PCDHGB2: variants seen among roughly 807,000 people sequenced by gnomAD.
PCDHGB2 encodes the protein protocadherin gamma subfamily B, 2.
A neutral mutation model predicts 59.3 loss-of-function variants in PCDHGB2; 55 were observed. That is an observed-to-expected ratio of 0.93 (90% CI 0.75 to 1.16). The LOEUF is 1.16. Ranked by LOEUF, PCDHGB2 falls within the 50% of genes most tolerant of loss-of-function variation. PCDHGB2 has a pLI of 0.00. For missense variants in PCDHGB2, 1,228 were observed against 1,198.5 expected, an observed-to-expected ratio of 1.02 and a Z score of -0.36; for synonymous variants, 516 against 512.0, an observed-to-expected ratio of 1.01 and a Z score of -0.11.
intron 1 of PCDHGB2, chr5:141,365,650 G>C: frequency 6.2e-7 from 1 of 1,613,414 alleles, no homozygotes; most frequent in South Asian, 1.1e-5. Flanking sequence ...ACATCCCCTT[G>C]AAAGTAGCAG....
At chr5:141,385,424 C>T in intron 1 of PCDHGB2, 2 of 1,461,926 alleles carry the variant, frequency 1.4e-6, no homozygotes, top group Non-Finnish European at 1.8e-6. Context: ...ATTTAAAAAA[C>T]TTTATAGAGG....
At chr5:141,377,569 C>A (rs1774120455) in intron 1 of PCDHGB2, 1 of 151,048 alleles carries the variant, frequency 6.6e-6, no homozygotes, top group African/African-American at 2.4e-5. Context: ...GCACCCTAGC[C>A]TGGGAGACAG....
chr5:141,430,534 C>CT (rs962032641), intron 1 of PCDHGB2: 2 of 381,726 alleles, frequency 5.2e-6, no homozygotes, highest in Non-Finnish European at 9.2e-6. Context: ...GGTTAGGACT[C>CT]TGAGCGCCGC....
At chr5:141,421,478 G>T in intron 1 of PCDHGB2, 1 of 1,614,130 alleles carries the variant, frequency 6.2e-7, no homozygotes, top group Non-Finnish European at 8.5e-7. Flanking sequence ...CGAAGCGGCA[G>T]CTTGATCACG....
chr5:141,399,704 T>A, intron 1 of PCDHGB2: 1 of 1,613,424 alleles, frequency 6.2e-7, no homozygotes, highest in Non-Finnish European at 8.5e-7. Context: ...ACCTTCGAAC[T>A]CACACTACAG....
intron 1 of PCDHGB2, chr5:141,365,543 T>G: frequency 6.2e-7 from 1 of 1,613,830 alleles, no homozygotes; most frequent in Non-Finnish European, 8.5e-7. Context: ...CTATCACCTA[T>G]TAACAACTAG....
chr5:141,366,599 G>C lies in PCDHGB2; in HGVS notation c.2421+4043G>C, dbSNP rs778631625. The C allele has an allele frequency of 6.2e-7, 1 of 1,614,214 alleles. No individual in the cohort carries two copies. The highest frequency in any genetic ancestry group is 8.5e-7 in the Non-Finnish European group (1 of 1,180,046). ...TTTCCTGCAGACCTATTCCCACGAG[G>C]TCTCCCTCACCGCGGACTCGAGGAA... On this transcript the variant is annotated intron_variant, in intron 1 of 3. Coordinates refer to ENST00000522605, the MANE Select transcript of PCDHGB2 (RefSeq NM_018923.3).
chr5:141,376,701 A>G (rs1226810157), intron 1 of PCDHGB2: 2 of 567,970 alleles, frequency 3.5e-6, no homozygotes, highest in African/African-American at 3.9e-5. Context: ...TTTTTTTGAG[A>G]CGGAGTCTCG....
At chr5:141,403,491 T>A in intron 1 of PCDHGB2, 1 of 1,614,010 alleles carries the variant, frequency 6.2e-7, no homozygotes, top group South Asian at 1.1e-5. Context: ...CACTTCTCCC[T>A]GAACGTGCAG....
intron 1 of PCDHGB2, chr5:141,389,471 A>C: frequency 6.2e-7 from 1 of 1,613,210 alleles, no homozygotes; most frequent in Non-Finnish European, 8.5e-7. Context: ...TCGAACTCAC[A>C]CTGCAGGCCC....
chr5:141,409,217 G>T (rs1394491727), intron 1 of PCDHGB2: 3 of 1,613,852 alleles, frequency 1.9e-6, no homozygotes, highest in Non-Finnish European at 2.5e-6. Flanking sequence ...AGAAATCCTT[G>T]ATGAAAACGA....
In PCDHGB2 at chr5:141,474,057, G is replaced by A. The variant is rs546654716; in HGVS notation, c.2422-20750G>A. Among the ~76,000 whole-genome samples, 3 of 152,192 alleles carry A rather than the reference G, an allele frequency of 2.0e-5. No homozygotes were observed. In the East Asian group the frequency reaches 5.8e-4, roughly 29 times the overall value. On this transcript the variant is annotated intron_variant, in intron 1 of 3. Transcript: ENST00000522605. ...TGTACTCCAGCCTGGATGACAGAGC[G>A]AGATCCTGCCTCAGAAACAAAAACC... is the stretch of plus-strand genomic sequence containing the variant.
chr5:141,421,863 C>T (rs767555107), intron 1 of PCDHGB2: 1 of 1,613,746 alleles, frequency 6.2e-7, no homozygotes, highest in Non-Finnish European at 8.5e-7. Flanking sequence ...ACCTGCTCCT[C>T]CTCACAGCTT....
rs370582023 is a variant in PCDHGB2 at position 141,372,189 on chromosome 5, G to A, written c.2421+9633G>A. ...GGTGGTGGCGGTGGACGCAGACTCG[G>A]GATACAACGCCTGGCTGTCCTACCA... On this transcript the variant is annotated intron_variant, in intron 1 of 3. Transcript: ENST00000522605. 3.7e-6 allele frequency: 6 copies of A among 1,613,500 alleles called. No homozygotes were observed. The African/African-American group carries it at 4.0e-5, about 11-fold the overall frequency.
At chr5:141,383,596 G>T in intron 1 of PCDHGB2, 1 of 1,613,702 alleles carries the variant, frequency 6.2e-7, no homozygotes, top group Non-Finnish European at 8.5e-7. Context: ...GGTGACAGTG[G>T]TGGATGTGAA....
In PCDHGB2 at chr5:141,487,406, C is replaced by T; in HGVS notation, c.2422-7401C>T. The T allele has an allele frequency of 6.2e-7, 1 of 1,614,200 alleles. No individual in the cohort carries two copies. The highest frequency in any genetic ancestry group is 8.5e-7 in the Non-Finnish European group (1 of 1,180,044). ...ATCTCGAAGGAGGGAGGGGCTTCCC[C>T]CTTCCAATGGGATCCTCCGAATCCA... On this transcript the variant is annotated intron_variant, in intron 1 of 3. Coordinates refer to ENST00000522605, the MANE Select transcript of PCDHGB2 (RefSeq NM_018923.3). The surrounding 1 kb of genome is among the most constrained non-coding windows in gnomAD (Gnocchi z 5.0).
intron 1 of PCDHGB2, chr5:141,395,096 C>G (rs769366827): frequency 5.6e-6 from 9 of 1,614,186 alleles, no homozygotes; most frequent in Middle Eastern, 1.6e-4. Flanking sequence ...CCCTCACCGC[C>G]GACTCGCGGA....
intron 1 of PCDHGB2, chr5:141,374,351 A>T (rs1770409199): frequency 6.2e-7 from 1 of 1,614,022 alleles, no homozygotes; most frequent in South Asian, 1.1e-5. Flanking sequence ...CGCGGGTAGG[A>T]TAGACCGCGA....
chr5:141,465,893 C>A (rs926928579), intron 1 of PCDHGB2, among the ~76,000 whole-genome samples: 1 of 151,962 alleles, frequency 6.6e-6, no homozygotes, highest in Non-Finnish European at 1.5e-5. Context: ...GAGGCCGAGG[C>A]GGGCAAATCA....
Sources: gnomAD v4.1 joint callset for allele counts (sites outside exome capture counted in the v4.1 genomes callset) on GRCh38, gnomAD v4.1.1 for gene constraint, Gnocchi (gnomAD v3.1) non-coding constraint, MANE v1.5 for transcripts, NCBI Gene and HGNC (gene_info 2026-07-23, HGNC 2026-07-21) for gene names.